RIMS2: variants seen among roughly 807,000 people sequenced by gnomAD.
RIMS2 encodes regulating synaptic membrane exocytosis protein 2.
Under a neutral mutation model 174.4 loss-of-function variants are expected in RIMS2, and 59 were observed. The observed-to-expected ratio is 0.34, with a 90% CI of 0.27 to 0.42. The LOEUF (loss-of-function observed/expected upper bound fraction) is 0.42. RIMS2 is among the 10% of genes least tolerant of loss of function. The pLI is 1.00. For synonymous variants in RIMS2, 606 were observed against 572.5 expected (o/e 1.06, Z -0.84); for missense variants, 1,620 against 1,666.3 (o/e 0.97, Z 0.48).
intron 19 of RIMS2, among the ~76,000 whole-genome samples, chr8:104,225,820 C>G (rs1167418140): frequency 6.6e-6 from 1 of 152,136 alleles, no homozygotes; most frequent in Non-Finnish European, 1.5e-5. Flanking sequence ...CTACTAGTAA[C>G]TAGAGAGGAG....
chr8:103,812,527 G>A (rs1042335257), intron 3 of RIMS2, among the ~76,000 whole-genome samples: 13 of 151,864 alleles, frequency 8.6e-5, no homozygotes, highest in South Asian at 2.1e-4. Flanking sequence ...GATTACAGGC[G>A]CGTACCACTA....
chr8:104,102,076 A>G (rs1333086686), intron 19 of RIMS2, among the ~76,000 whole-genome samples: 1 of 152,128 alleles, frequency 6.6e-6, no homozygotes, highest in African/African-American at 2.4e-5. Context: ...TTCAAGTAGC[A>G]TGTATGTATT....
At chr8:103,870,175 A>C (rs924165) in intron 3 of RIMS2, among the ~76,000 whole-genome samples, 33,160 of 149,912 alleles carry the variant, frequency 0.22, 3,779 homozygotes, top group South Asian at 0.34. Flanking sequence ...TTCCTTTTCT[A>C]CTATTTACCA....
intron 1 of RIMS2, among the ~76,000 whole-genome samples, chr8:103,574,811 G>A (rs115523236): frequency 7.7e-4 from 117 of 152,228 alleles, no homozygotes; most frequent in African/African-American, 2.0e-3. Flanking sequence ...TTTACTTAGC[G>A]TACACCAAAT....
rs146853239 is a variant in RIMS2, at chr8:103,508,938, T to C, written c.176+7876T>C. ...TTGCGTAACTGACTACTGTACATAA[T>C]ATATATCTGCCTGTATCTGCTTATC... On this transcript the variant is annotated intron_variant, in intron 1 of 23. Transcript: ENST00000504942. Among the ~76,000 whole-genome samples, 638 of 152,162 alleles carry C rather than the reference T, an allele frequency of 4.2e-3. 4 individuals are homozygous for C. The highest frequency in any genetic ancestry group is 0.015 in the African/African-American group (608 of 41,548).
chr8:103,732,012 A>G (rs555716625), intron 2 of RIMS2, among the ~76,000 whole-genome samples: 25 of 152,294 alleles, frequency 1.6e-4, no homozygotes, highest in African/African-American at 6.0e-4. Flanking sequence ...ATGTCTGGGC[A>G]TTGAAGAGTT....
intron 3 of RIMS2, among the ~76,000 whole-genome samples, chr8:103,773,074 T>C (rs145524937): frequency 3.9e-5 from 6 of 152,226 alleles, no homozygotes; most frequent in Non-Finnish European, 8.8e-5. Context: ...AGAGGATAAC[T>C]TCTTCCAAAT....
At chr8:103,638,415 A>G (rs2096141303) in intron 1 of RIMS2, among the ~76,000 whole-genome samples, 1 of 151,898 alleles carries the variant, frequency 6.6e-6, no homozygotes, top group Admixed American at 6.6e-5. Context: ...CATACCTTTC[A>G]TGTTTCTTAT....
chr8:104,083,623 G>C (rs571644765), intron 19 of RIMS2, among the ~76,000 whole-genome samples: 9 of 152,238 alleles, frequency 5.9e-5, no homozygotes, highest in African/African-American at 2.2e-4. Flanking sequence ...TCTGATCTGA[G>C]GGCTTGGAGA....
At chr8:103,742,434 C>T (rs1016439523) in intron 2 of RIMS2, among the ~76,000 whole-genome samples, 5 of 152,062 alleles carry the variant, frequency 3.3e-5, no homozygotes, top group Non-Finnish European at 7.4e-5. Context: ...TTACTTTTGC[C>T]ATGATCTGAA....
chr8:103,671,750 A>G (rs1370626709), intron 1 of RIMS2, among the ~76,000 whole-genome samples: 2 of 152,242 alleles, frequency 1.3e-5, no homozygotes, highest in African/African-American at 4.8e-5. Context: ...CATAATAACT[A>G]TAGTTATGAC....
At chr8:104,087,224 T>TA (rs983676559) in intron 19 of RIMS2, among the ~76,000 whole-genome samples, 1 of 152,106 alleles carries the variant, frequency 6.6e-6, no homozygotes, top group African/African-American at 2.4e-5. Flanking sequence ...TTTTGATCAT[T>TA]AAACATTCAT....
chr8:103,986,744 G>A (rs1313618349), intron 16 of RIMS2, among the ~76,000 whole-genome samples: 9 of 151,858 alleles, frequency 5.9e-5, no homozygotes, highest in Non-Finnish European at 8.8e-5. Flanking sequence ...GTGGTGAAAG[G>A]CACCTCTAAT....
chr8:103,672,005 A>G (rs1414625625), intron 1 of RIMS2, among the ~76,000 whole-genome samples: 1 of 152,184 alleles, frequency 6.6e-6, no homozygotes, highest in Non-Finnish European at 1.5e-5. Flanking sequence ...TTGAAGTTTG[A>G]TTTTGGGAAA....
intron 2 of RIMS2, among the ~76,000 whole-genome samples, chr8:103,705,033 T>G (rs1231826967): frequency 6.6e-6 from 1 of 152,022 alleles, no homozygotes; most frequent in East Asian, 1.9e-4. Context: ...TTCTTTAACA[T>G]GCATTATTTG....
chr8:104,063,515 G>C (rs2097045392), intron 19 of RIMS2, among the ~76,000 whole-genome samples: 1 of 152,054 alleles, frequency 6.6e-6, no homozygotes. Context: ...AGAAGAGATG[G>C]GGTAAGGAAT....
chr8:103,758,826 T>C (rs1368714607), intron 2 of RIMS2, among the ~76,000 whole-genome samples: 1 of 152,086 alleles, frequency 6.6e-6, no homozygotes, highest in African/African-American at 2.4e-5. Context: ...TACAAATAAG[T>C]AGAGAAAAAT....
exon 14 of RIMS2, chr8:103,942,835 G>T (rs201827334): frequency 6.2e-7 from 1 of 1,612,022 alleles, no homozygotes; most frequent in Non-Finnish European, 8.5e-7. Flanking sequence ...AACTTCAGAC[G>T]CATGATGTCT....
chr8:103,772,647 AC>A (rs1261041467), intron 3 of RIMS2, among the ~76,000 whole-genome samples: 1 of 152,138 alleles, frequency 6.6e-6, no homozygotes, highest in East Asian at 1.9e-4. Flanking sequence ...GTTTGAAATA[AC>A]CAAAACAGCT....
Sources: allele counts gnomAD v4.1 joint callset (sites outside exome capture counted in the v4.1 genomes callset), GRCh38; gene constraint gnomAD v4.1.1; transcripts MANE v1.5; gene names NCBI Gene and HGNC (gene_info 2026-07-23, HGNC 2026-07-21).